GRIA2: variants seen among roughly 807,000 people sequenced by gnomAD.
GRIA2 encodes the protein glutamate receptor 2.
Under a neutral mutation model 97.3 loss-of-function variants are expected in GRIA2, and 14 were observed. The ratio of observed to expected loss-of-function variants is 0.14; its 90% CI spans 0.10 to 0.23. GRIA2 has a LOEUF of 0.23. Among genes scored for constraint, GRIA2 ranks in the 10% least tolerant of loss-of-function variants. The probability of loss-of-function intolerance (pLI) is 1.00; values close to 1 mark genes in which losing one functional copy is unlikely to be tolerated. For synonymous variants in GRIA2, 412 were observed against 387.8 expected (o/e 1.06, Z -0.73); for missense variants, 558 against 1,069.8 (o/e 0.52, Z 6.67).
intron 2 of GRIA2, among the ~76,000 whole-genome samples, chr4:157,290,187 T>C (rs2126833634): frequency 6.6e-6 from 1 of 152,020 alleles, no homozygotes; most frequent in East Asian, 1.9e-4. Context: ...AAGTGGTAGA[T>C]TTTGGTCATG....
intron 11 of GRIA2, 116 bp downstream of exon 11, chr4:157,336,863 T>C (rs1019519495): frequency 1.1e-6 from 1 of 901,232 alleles, no homozygotes; most frequent in Non-Finnish European, 1.7e-6. Flanking sequence ...CCAAGCAGTT[T>C]AAGACTCTTG....
intron 3 of GRIA2, among the ~76,000 whole-genome samples, chr4:157,309,655 A>G (rs1009101892): frequency 6.6e-6 from 1 of 152,232 alleles, no homozygotes; most frequent in East Asian, 1.9e-4. Context: ...GATTTTATAC[A>G]TCATCTCTAT....
chr4:157,253,012 G>C (rs1036449960), intron 2 of GRIA2, among the ~76,000 whole-genome samples: 1 of 151,946 alleles, frequency 6.6e-6, no homozygotes, highest in African/African-American at 2.4e-5. Flanking sequence ...ATTTTGGGGG[G>C]ACCATGTAGT....
chr4:157,350,468 G>T (rs1322853240), intron 12 of GRIA2, among the ~76,000 whole-genome samples: 1 of 151,486 alleles, frequency 6.6e-6, no homozygotes, highest in East Asian at 1.9e-4. Flanking sequence ...CAGTTCTTTA[G>T]TGGTGATTTC....
At chr4:157,256,238 A>G (rs1360303949) in intron 2 of GRIA2, among the ~76,000 whole-genome samples, 1 of 82,856 alleles carries the variant, frequency 1.2e-5, no homozygotes, top group Non-Finnish European at 2.4e-5. Flanking sequence ...TATATAATAT[A>G]TATATATAAT....
intron 12 of GRIA2, among the ~76,000 whole-genome samples, chr4:157,344,515 C>A (rs1579379974): frequency 6.6e-6 from 1 of 152,176 alleles, no homozygotes; most frequent in South Asian, 2.1e-4. Context: ...TCTGCCCATT[C>A]ATTATGCTTA....
chr4:157,223,354 T>C (rs1195122465), intron 2 of GRIA2, among the ~76,000 whole-genome samples: 1 of 152,068 alleles, frequency 6.6e-6, no homozygotes, highest in Non-Finnish European at 1.5e-5. Context: ...CAAATGTTGG[T>C]GCCAAGTAAG....
chr4:157,357,562 A>G (rs1736445542), intron 12 of GRIA2, among the ~76,000 whole-genome samples: 1 of 152,124 alleles, frequency 6.6e-6, no homozygotes, highest in South Asian at 2.1e-4. Flanking sequence ...GATGTTATTA[A>G]TCTACAATTA....
intron 2 of GRIA2, among the ~76,000 whole-genome samples, chr4:157,222,315 C>G (rs1044853559): frequency 1.1e-4 from 16 of 152,164 alleles, no homozygotes; most frequent in Admixed American, 2.6e-4. Context: ...TCCGCAGCAC[C>G]GGCTGGGCTC....
chr4:157,306,721 T>G (rs1733862171), intron 3 of GRIA2, among the ~76,000 whole-genome samples: 1 of 152,232 alleles, frequency 6.6e-6, no homozygotes, highest in Non-Finnish European at 1.5e-5. Flanking sequence ...TTTTTGCTAT[T>G]TGTTTTTTTC....
rs1207092882 is a variant in GRIA2, at chr4:157,315,390, A to G, written c.667-2268A>G. Reference sequence around the variant, plus strand: ...TAAGGTACATTCCAAAAAAAAAAAAAAAGAAACAATGTTTATTCACTCAAC... The same window carrying G: ...TAAGGTACATTCCAAAAAAAAAAAAGAAGAAACAATGTTTATTCACTCAAC... On this transcript the variant is annotated intron_variant, in intron 4 of 15. Transcript: ENST00000264426. Among the ~76,000 whole-genome samples, 4 of 151,900 alleles carry G rather than the reference A, an allele frequency of 2.6e-5. No homozygotes were observed. The East Asian group carries it at 7.7e-4, about 29-fold the overall frequency.
At chr4:157,354,223 A>G (rs936487057) in intron 12 of GRIA2, among the ~76,000 whole-genome samples, 5 of 152,190 alleles carry the variant, frequency 3.3e-5, no homozygotes, top group Non-Finnish European at 7.4e-5. Context: ...TATATGATGT[A>G]GTTTTTGTGT....
rs1244302642 is a variant in GRIA2 at position 157,361,392 on chromosome 4, C to T, written c.2406+268C>T. Reference sequence around the variant, plus strand: ...TTACTTCCAGCGATACATTAATGCTCATTTGGCTCTGCAAATCTTACCGTT... The same window carrying T: ...TTACTTCCAGCGATACATTAATGCTTATTTGGCTCTGCAAATCTTACCGTT... On this transcript the variant is annotated intron_variant, in intron 14 of 15. Coordinates refer to ENST00000264426, the MANE Select transcript of GRIA2 (RefSeq NM_001083619.3). The surrounding 1 kb of genome is among the most constrained non-coding windows in gnomAD (Gnocchi z 5.2). The T allele has an allele frequency of 1.3e-5, 9 of 689,212 alleles. No homozygotes were observed. The highest frequency in any genetic ancestry group is 8.2e-4 in the Middle Eastern group (2 of 2,432). 42.7% of individuals were successfully genotyped at this position (689,212 alleles called of 1,614,324 possible).
chr4:157,267,391 C>T (rs1386216016), intron 2 of GRIA2, among the ~76,000 whole-genome samples: 5 of 51,800 alleles, frequency 9.7e-5, no homozygotes, highest in Non-Finnish European at 2.0e-4. Context: ...GACTCCATCT[C>T]AAAAAAAAAA....
At chr4:157,297,303 T>A (rs973011934) in intron 2 of GRIA2, among the ~76,000 whole-genome samples, 3 of 152,238 alleles carry the variant, frequency 2.0e-5, no homozygotes, top group Admixed American at 6.6e-5. Context: ...GATGGGCTTA[T>A]TTCAACACAT....
At chr4:157,341,182 A>C (rs1008836316) in intron 11 of GRIA2, 82 bp from the exon 12 acceptor site, 1 of 866,772 alleles carries the variant, frequency 1.2e-6, no homozygotes, top group African/African-American at 1.7e-5. Context: ...CCTATAAGTC[A>C]ATATTTGCAT....
At chr4:157,230,467 G>A (rs1455370278) in intron 2 of GRIA2, among the ~76,000 whole-genome samples, 2 of 152,150 alleles carry the variant, frequency 1.3e-5, no homozygotes, top group Non-Finnish European at 2.9e-5. Context: ...TGGCAGGGCT[G>A]TAAGAATTTG....
intron 11 of GRIA2, among the ~76,000 whole-genome samples, chr4:157,340,713 C>T (rs1394108807): frequency 6.6e-6 from 1 of 151,794 alleles, no homozygotes; most frequent in Non-Finnish European, 1.5e-5. Context: ...TCATTTTTCT[C>T]TCCTGTACTG....
In GRIA2 at chr4:157,361,664, C is replaced by T. The variant is rs1172320676; in HGVS notation, c.2406+540C>T. The stretch of plus-strand genomic sequence containing the variant: ...ACTCTGGAAGTAAGGTCAGTTGCTG[C>T]AGGTTTTATGTGAAAAAACAAAATC... On this transcript the variant is annotated intron_variant, in intron 14 of 15. Coordinates refer to ENST00000264426, the MANE Select transcript of GRIA2 (RefSeq NM_001083619.3). This position sits in a 1 kb window ranked among gnomAD's most constrained non-coding sequence, Gnocchi z 5.2. 4 of 1,579,470 alleles carry T rather than the reference C, an allele frequency of 2.5e-6. No individual in the cohort carries two copies. Among genetic ancestry groups the T allele is most frequent in the Admixed American group, 3.3e-5 (2 of 59,724 alleles).
Sources: gnomAD v4.1 joint callset for allele counts (sites outside exome capture counted in the v4.1 genomes callset) on GRCh38, gnomAD v4.1.1 for gene constraint, Gnocchi (gnomAD v3.1) non-coding constraint, MANE v1.5 for transcripts, NCBI Gene and HGNC (gene_info 2026-07-23, HGNC 2026-07-21) for gene names.